RPSA2: variants seen among roughly 807,000 people sequenced by gnomAD.
RPSA2 encodes small ribosomal subunit protein uS2B.
chr19:23,859,896 C>T, the RPSA2 span, among the ~76,000 whole-genome samples: 2 of 152,100 alleles, frequency 1.3e-5, no homozygotes, highest in South Asian at 2.1e-4. Context: ...TAAACATTGT[C>T]TAATTGAATT....
chr19:23,760,662 TATA>T, the RPSA2 span, among the ~76,000 whole-genome samples: 1 of 80,958 alleles, frequency 1.2e-5, no homozygotes, highest in African/African-American at 4.2e-5. Context: ...TATATATATA[TATA>T]TATATTTTTT....
the RPSA2 span, among the ~76,000 whole-genome samples, chr19:23,778,470 C>T: frequency 1.3e-5 from 2 of 152,214 alleles, no homozygotes; most frequent in East Asian, 3.9e-4. Flanking sequence ...CACTTCGGCC[C>T]CCCAGAGTAC....
chr19:23,761,913 T>TCCCTTCCTCCC, the RPSA2 span, among the ~76,000 whole-genome samples: 1 of 30,740 alleles, frequency 3.3e-5, no homozygotes, highest in Admixed American at 3.6e-4. Context: ...TCTTTCTTTC[T>TCCCTTCCTCCC]TTCTTTCTTT....
At chr19:23,773,616 A>C in the RPSA2 span, among the ~76,000 whole-genome samples, 284 of 152,298 alleles carry the variant, frequency 1.9e-3, 2 homozygotes, top group Non-Finnish European at 1.3e-3. Context: ...CACACATCAA[A>C]TAGCATACAT....
the RPSA2 span, among the ~76,000 whole-genome samples, chr19:23,797,727 G>T: frequency 2.1e-4 from 32 of 152,066 alleles, no homozygotes; most frequent in Admixed American, 1.2e-3. Flanking sequence ...TCTCTTCATA[G>T]GTCTCTAAGA....
At chr19:23,800,027 C>CTTTTTTTTTTTT in the RPSA2 span, among the ~76,000 whole-genome samples, 1 of 110,948 alleles carries the variant, frequency 9.0e-6, no homozygotes, top group Non-Finnish European at 1.9e-5. Context: ...TTTTCTTTTT[C>CTTTTTTTTTTTT]TTTTTTTTTT....
the RPSA2 span, among the ~76,000 whole-genome samples, chr19:23,805,076 G>A: frequency 5.2e-5 from 3 of 57,562 alleles, no homozygotes; most frequent in Non-Finnish European, 1.1e-4. Context: ...GAAATTGCTA[G>A]TGTCTGTAGC....
At chr19:23,828,036 C>G in the RPSA2 span, 1 of 645,078 alleles carries the variant, frequency 1.6e-6, no homozygotes, top group Non-Finnish European at 2.7e-6. Context: ...GGAGCAACCA[C>G]TGACTGGTCT....
the RPSA2 span, among the ~76,000 whole-genome samples, chr19:23,783,236 C>T: frequency 1.3e-4 from 20 of 152,100 alleles, no homozygotes; most frequent in African/African-American, 3.9e-4. Flanking sequence ...GCTGGAATTA[C>T]AGGCATGCAC....
At chr19:23,762,867 G>T in the RPSA2 span, 2 of 152,166 alleles carry the variant, frequency 1.3e-5, no homozygotes, top group Non-Finnish European at 2.9e-5. Context: ...CGAGCGGGGC[G>T]GGTGGTGGTA....
At chr19:23,808,869 A>T in the RPSA2 span, 1 of 471,508 alleles carries the variant, frequency 2.1e-6, no homozygotes, top group South Asian at 2.3e-5. Flanking sequence ...AATCAAGAAG[A>T]AAGCAAGTCT....
At chr19:23,783,912 T>C in the RPSA2 span, among the ~76,000 whole-genome samples, 1 of 152,202 alleles carries the variant, frequency 6.6e-6, no homozygotes, top group Admixed American at 6.5e-5. Context: ...TGTGTCCTGC[T>C]TTCAGGAGAG....
the RPSA2 span, among the ~76,000 whole-genome samples, chr19:23,766,142 CCTTTTTTTTTTT>C: frequency 1.4e-4 from 6 of 43,288 alleles, no homozygotes; most frequent in African/African-American, 3.9e-4. Flanking sequence ...TATTTCATTT[CCTTTTTTTTTTT>C]TTTTTTTTTT....
the RPSA2 span, among the ~76,000 whole-genome samples, chr19:23,802,170 G>A: frequency 0.12 from 17,846 of 152,162 alleles, 1,109 homozygotes; most frequent in East Asian, 0.22. Context: ...TTTTCACATT[G>A]CTACCTTTCT....
At chr19:23,782,921 C>G in the RPSA2 span, among the ~76,000 whole-genome samples, 5 of 151,994 alleles carry the variant, frequency 3.3e-5, no homozygotes, top group Admixed American at 3.3e-4. Flanking sequence ...GCCATCCCCT[C>G]AGGGGTATTG....
At chr19:23,827,045 A>G in the RPSA2 span, 3 of 686,518 alleles carry the variant, frequency 4.4e-6, no homozygotes, top group Non-Finnish European at 7.8e-6. Context: ...AGATATTTGC[A>G]TTGCTTTTAC....
chr19:23,761,272 GTC>G, the RPSA2 span, among the ~76,000 whole-genome samples: 3 of 152,102 alleles, frequency 2.0e-5, no homozygotes, highest in Non-Finnish European at 4.4e-5. Context: ...TAGAGACTGA[GTC>G]TCACTACATT....
At chr19:23,818,821 C>G in the RPSA2 span, 1 of 152,748 alleles carries the variant, frequency 6.5e-6, no homozygotes, top group African/African-American at 2.4e-5. Flanking sequence ...GACTTTGGGT[C>G]ATAACATATA....
the RPSA2 span, chr19:23,833,245 C>A: frequency 5.1e-6 from 2 of 389,136 alleles, no homozygotes; most frequent in Non-Finnish European, 6.7e-6. Flanking sequence ...ATTTGGCAAA[C>A]CTTTAATCCT....
Sources: gnomAD v4.1 joint callset for allele counts (sites outside exome capture counted in the v4.1 genomes callset) on GRCh38, gnomAD v4.1.1 for gene constraint, MANE v1.5 for transcripts, NCBI Gene and HGNC (gene_info 2026-07-23, HGNC 2026-07-21) for gene names.